TYW3: variants seen among roughly 807,000 people sequenced by gnomAD.
The protein encoded by TYW3 is tRNA wybutosine-synthesizing protein 3 homolog.
In TYW3, 26 loss-of-function variants were observed where a neutral mutation model predicts 23.1. The observed-to-expected ratio is 1.13, with a 90% CI of 0.83 to 1.56. The LOEUF is 1.56. Among genes scored for constraint, TYW3 ranks in the 40% most tolerant of loss-of-function variants. The pLI, the probability that TYW3 is intolerant of heterozygous loss-of-function variation, is 0.00. For synonymous variants in TYW3, 102 were observed against 105.7 expected (o/e 0.97, Z 0.21); for missense variants, 316 against 311.9 (o/e 1.01, Z -0.10).
At position 74,738,674 on chromosome 1, in the gene TYW3, C is replaced by G. The variant is rs531959275; in HGVS notation, c.256-16C>G. Reference sequence around the variant, plus strand: ...GGCCATATACTTGCATCTGATACCACTGTTCATTTATTTAGATTGTAGCTC... The same window carrying G: ...GGCCATATACTTGCATCTGATACCAGTGTTCATTTATTTAGATTGTAGCTC... On this transcript the variant is annotated splice_polypyrimidine_tract_variant and intron_variant, in intron 2 of 5. Coordinates refer to ENST00000370867, the MANE Select transcript of TYW3 (RefSeq NM_138467.3). The G allele has an allele frequency of 6.3e-7, 1 of 1,581,686 alleles. No individual in the cohort carries two copies. Among genetic ancestry groups the G allele is most frequent in the Middle Eastern group, 1.7e-4 (1 of 5,958 alleles).
chr1:74,758,521 C>T lies in TYW3; in HGVS notation c.561-5373C>T, dbSNP rs1192152005. ...CCATTTTCATGGTTCTGATTCTTAT[C>T]GTCATTTACCAGCCATTTTCATGGT... is the stretch of plus-strand genomic sequence containing the variant. On this transcript the variant is annotated intron_variant, in intron 5 of 5. Transcript: ENST00000370867. Among the ~76,000 whole-genome samples the T allele has an allele frequency of 1.3e-4, 13 of 96,736 alleles. No homozygotes were observed. In the South Asian group the frequency reaches 1.4e-3, roughly 11 times the overall value. The allele number at this position is 96,736 out of a possible 152,430, so 63.5% of individuals were successfully genotyped here.
At position 74,763,968 on chromosome 1, in the gene TYW3, A is replaced by C. The variant is rs768104355; in HGVS notation, c.635A>C (p.Asn212Thr). ...TNLHPKIKEK[N>T]NSSYIHKKKR... ...TTACATCCCAAGATCAAAGAGAAAA[A>C]TAACTCATCATATATTCATAAGAAA... The change falls in exon 6 of 6, where the codon AAT becomes ACT. Residue 212 changes from asparagine to threonine, a missense_variant. Transcript: ENST00000370867. 1 of 1,610,294 alleles carries C rather than the reference A, an allele frequency of 6.2e-7. No homozygotes were observed.
chr1:74,755,490 A>G (rs1487563710), intron 5 of TYW3, among the ~76,000 whole-genome samples: 1 of 152,272 alleles, frequency 6.6e-6, no homozygotes, highest in African/African-American at 2.4e-5. Flanking sequence ...CATCCATGCT[A>G]TAACATGTAT....
Position 74,733,303 on chromosome 1 carries a change from T to G in TYW3, c.59T>G (p.Leu20Arg), listed in dbSNP as rs1480742719. The change falls in exon 1 of 6, where the codon CTC becomes CGC. Residue 20 changes from leucine (L) to arginine (R), a missense_variant. Transcript: ENST00000370867. ...WKAQCLSKAD[L>R]SRKGSVDEDV... ...GCGCAATGTTTGAGCAAAGCGGACC[T>G]CAGCCGGAAGGGCAGTGTTGACGAG... The G allele has an allele frequency of 6.2e-7, 1 of 1,614,096 alleles. No individual in the cohort carries two copies. The highest frequency in any genetic ancestry group is 8.5e-7 in the Non-Finnish European group (1 of 1,180,048).
chr1:74,755,193 A>G (rs1176577869), intron 5 of TYW3, among the ~76,000 whole-genome samples: 1 of 152,182 alleles, frequency 6.6e-6, no homozygotes, highest in African/African-American at 2.4e-5. Context: ...CTATTTTCTG[A>G]TAAAATGTAC....
At chr1:74,753,153 C>A (rs1432433787) in intron 5 of TYW3, among the ~76,000 whole-genome samples, 2 of 152,188 alleles carry the variant, frequency 1.3e-5, no homozygotes, top group East Asian at 3.8e-4. Context: ...TTTGAGTTAT[C>A]CAAGGAGTAA....
chr1:74,755,168 GT>G (rs897309761), intron 5 of TYW3, among the ~76,000 whole-genome samples: 11 of 149,708 alleles, frequency 7.3e-5, no homozygotes, highest in African/African-American at 9.8e-5. Context: ...ACTTTCAATA[GT>G]TTTTTTTTTA....
chr1:74,742,726 G>C (rs1045816287), intron 3 of TYW3, among the ~76,000 whole-genome samples: 2 of 152,212 alleles, frequency 1.3e-5, no homozygotes, highest in Non-Finnish European at 2.9e-5. Context: ...TTCCCCCAGA[G>C]GTTAGGAACT....
At chr1:74,734,985 G>A (rs1465517544) in intron 1 of TYW3, among the ~76,000 whole-genome samples, 2 of 152,164 alleles carry the variant, frequency 1.3e-5, no homozygotes, top group Non-Finnish European at 2.9e-5. Flanking sequence ...AGCAGGGCCT[G>A]TTCATTTTTA....
At chr1:74,733,750 A>G (rs1417501464) in intron 1 of TYW3, among the ~76,000 whole-genome samples, 1 of 152,170 alleles carries the variant, frequency 6.6e-6, no homozygotes, top group Non-Finnish European at 1.5e-5. Context: ...AGAAAATTTG[A>G]TTTTATTATA....
chr1:74,753,821 GT>G (rs1296739165), intron 5 of TYW3, among the ~76,000 whole-genome samples: 2 of 152,100 alleles, frequency 1.3e-5, no homozygotes, highest in Non-Finnish European at 2.9e-5. Flanking sequence ...AATTCACAAA[GT>G]TATTTGAGTG....
At position 74,763,893 on chromosome 1, in the gene TYW3, G is replaced by A; in HGVS notation, c.561-1G>A. 6.3e-7 allele frequency: 1 copy of A among 1,588,428 alleles called. No individual in the cohort carries two copies. The highest frequency in any genetic ancestry group is 1.9e-5 in the Admixed American group (1 of 53,146). Reference sequence around the variant, plus strand: ...TAATAGTAGTACTTATTTCTTCACAGGTTTTACAACTGCCTACAGCATGCT... The same window carrying A: ...TAATAGTAGTACTTATTTCTTCACAAGTTTTACAACTGCCTACAGCATGCT... On this transcript the variant is annotated splice_acceptor_variant, in intron 5 of 5. Coordinates refer to ENST00000370867, the MANE Select transcript of TYW3 (RefSeq NM_138467.3). LOFTEE classifies it high-confidence loss of function.
Position 74,733,426 on chromosome 1 carries a change from C to T in TYW3, c.174+8C>T, listed in dbSNP as rs142832237. 4 of 1,613,784 alleles carry T rather than the reference C, an allele frequency of 2.5e-6. No homozygotes were observed. The highest frequency in any genetic ancestry group is 2.5e-6 in the Non-Finnish European group (3 of 1,179,812). ...ATCCTACTCCTTGACCGGGTGAGGC[C>T]CCTTTGCGCCTGTCCATCGCCTGCC... On this transcript the variant is annotated splice_region_variant and intron_variant, in intron 1 of 5. Transcript: ENST00000370867.
chr1:74,752,316 G>C lies in TYW3; in HGVS notation c.451G>C (p.Glu151Gln). Residue 151 changes from glutamate (E) to glutamine (Q), a missense_variant, in exon 5 of 6, where the codon GAA (glutamate) becomes CAA (glutamine). Physicochemically the swap from Glu to Gln is conservative, Grantham distance 29 (BLOSUM62 2). Coordinates refer to ENST00000370867, the MANE Select transcript of TYW3 (RefSeq NM_138467.3). The part of the protein sequence containing the change: ...MLAVRSTHGL[E>Q]VPLSHKGKLM... ...GGCTGTCCGGAGTACACATGGCTTA[G>C]AAGTTCCATTAAGCCATAAGGGAAA... 3.7e-6 allele frequency: 6 copies of C among 1,612,042 alleles called. No homozygotes were observed. Among genetic ancestry groups the C allele is most frequent in the Non-Finnish European group, 5.1e-6 (6 of 1,178,938 alleles).
At chr1:74,736,405 C>T in intron 1 of TYW3, 137 bp from the exon 2 acceptor site, 1 of 549,658 alleles carries the variant, frequency 1.8e-6, no homozygotes, top group Non-Finnish European at 2.9e-6. Context: ...CAAAAACATA[C>T]CGAATTGTTT....
At chr1:74,737,577 A>G (rs1464244840) in intron 2 of TYW3, among the ~76,000 whole-genome samples, 1 of 152,212 alleles carries the variant, frequency 6.6e-6, no homozygotes, top group Non-Finnish European at 1.5e-5. Context: ...CAGAAATCAA[A>G]TGGTGTGAAG....
At chr1:74,734,981 G>A (rs963862868) in intron 1 of TYW3, among the ~76,000 whole-genome samples, 2 of 152,234 alleles carry the variant, frequency 1.3e-5, no homozygotes, top group South Asian at 4.2e-4. Context: ...AGTTAGCAGG[G>A]CCTGTTCATT....
chr1:74,736,406 C>T, intron 1 of TYW3, 136 bp from the exon 2 acceptor site: 1 of 553,932 alleles, frequency 1.8e-6, no homozygotes, highest in Non-Finnish European at 2.9e-6. Context: ...AAAAACATAC[C>T]GAATTGTTTT....
At chr1:74,752,919 T>C (rs1183329960) in intron 5 of TYW3, among the ~76,000 whole-genome samples, 1 of 122,276 alleles carries the variant, frequency 8.2e-6, no homozygotes, top group Non-Finnish European at 2.1e-5. Context: ...ATGGATTAGA[T>C]CTAGAATTGC....
Sources: gnomAD v4.1 joint callset for allele counts (sites outside exome capture counted in the v4.1 genomes callset) on GRCh38, gnomAD v4.1.1 for gene constraint, MANE v1.5 for transcripts, NCBI Gene and HGNC (gene_info 2026-07-23, HGNC 2026-07-21) for gene names.